Variants in ZNF469 observed in about 807,000 individuals in gnomAD.
The protein encoded by ZNF469 is zinc finger protein 469.
ZNF469 carries 1 observed loss-of-function variant against 1.0 expected under a neutral mutation model. That is an observed-to-expected ratio of 1.00 (90% CI 0.35 to 4.73). ZNF469 has a LOEUF of 4.73. ZNF469 is among the 30% of genes most tolerant of loss of function. The pLI is 0.16. For synonymous variants in ZNF469, 2,703 were observed against 2,363.4 expected, an observed-to-expected ratio of 1.14 and a Z score of -4.17; for missense variants, 6,100 against 5,356.3, an observed-to-expected ratio of 1.14 and a Z score of -4.33.
Position 88,429,357 on chromosome 16 carries a change from C to T in ZNF469, c.1887C>T (p.Leu629=), listed in dbSNP as rs762262311. 3.4e-5 allele frequency: 52 copies of T among 1,549,690 alleles called. No individual in the cohort carries two copies. The highest frequency in any genetic ancestry group is 3.5e-5 in the Non-Finnish European group (40 of 1,146,756). ...SSEESQLPGP[L]GPSAFFHPPT... ...AGGAAAGCCAGCTCCCCGGCCCCCT[C>T]GGGCCCTCGGCCTTCTTCCACCCAC... is the stretch of plus-strand genomic sequence containing the variant. Residue 629 remains leucine, a synonymous_variant, in exon 3 of 3, where the codon CTC becomes CTT. Transcript: ENST00000565624.
At chr16:88,287,820 G>A in the ZNF469 span, among the ~76,000 whole-genome samples, 1 of 152,164 alleles carries the variant, frequency 6.6e-6, no homozygotes, top group African/African-American at 2.4e-5. Flanking sequence ...CTTATGGCCA[G>A]CGCTGACTTC....
chr16:88,231,477 C>T, the ZNF469 span, among the ~76,000 whole-genome samples: 949 of 147,018 alleles, frequency 6.5e-3, no homozygotes, highest in African/African-American at 0.024. The surrounding 1 kb of genome is among the most constrained non-coding windows in gnomAD (Gnocchi z 4.5). Flanking sequence ...GCTCTGTCAG[C>T]TCTGGAGGTC....
At chr16:88,338,428 G>C in the ZNF469 span, among the ~76,000 whole-genome samples, 1 of 152,334 alleles carries the variant, frequency 6.6e-6, no homozygotes. Context: ...TGGTCGACTT[G>C]ATGAGGAGAG....
rs1439032775 is a variant in ZNF469 at position 88,429,886 on chromosome 16, G to C, written c.2416G>C (p.Glu806Gln). Residue 806 changes from glutamate (E) to glutamine (Q), a missense_variant, in exon 3 of 3, where the codon GAG becomes CAG. Transcript: ENST00000565624. ...TFLLAGDAQA[E>Q]GKDDPLRTGF... ...CCTGTTAGCTGGGGACGCCCAGGCC[G>C]AGGGCAAAGACGACCCCCTGAGGAC... The C allele has an allele frequency of 7.7e-6, 12 of 1,550,208 alleles. No homozygotes were observed. Among genetic ancestry groups the C allele is most frequent in the Non-Finnish European group, 1.0e-5 (12 of 1,146,900 alleles).
chr16:88,165,959 G>A, the ZNF469 span, among the ~76,000 whole-genome samples: 7 of 152,136 alleles, frequency 4.6e-5, no homozygotes, highest in East Asian at 7.8e-4. Flanking sequence ...CTTCCCTTTT[G>A]AGGCTGAGTG....
At chr16:88,122,642 C>T in the ZNF469 span, among the ~76,000 whole-genome samples, 55 of 151,986 alleles carry the variant, frequency 3.6e-4, 1 homozygote, top group East Asian at 7.7e-4. Flanking sequence ...CTGTGTGAGC[C>T]GGCAACCTCC....
chr16:88,117,289 G>C, the ZNF469 span, among the ~76,000 whole-genome samples: 1 of 152,134 alleles, frequency 6.6e-6, no homozygotes, highest in Non-Finnish European at 1.5e-5. Flanking sequence ...GTGAGGGCTG[G>C]GGATGCGTGA....
the ZNF469 span, among the ~76,000 whole-genome samples, chr16:88,123,676 G>A: frequency 6.6e-6 from 1 of 152,118 alleles, no homozygotes; most frequent in African/African-American, 2.4e-5. Flanking sequence ...TAGATGTAGG[G>A]ATGGGTTGCG....
At chr16:88,204,973 G>A in the ZNF469 span, among the ~76,000 whole-genome samples, 1,402 of 152,288 alleles carry the variant, frequency 9.2e-3, 28 homozygotes, top group African/African-American at 0.032. Context: ...GTGTGCGCCA[G>A]CTGCAGGATT....
At chr16:88,249,198 C>T in the ZNF469 span, among the ~76,000 whole-genome samples, 2 of 148,520 alleles carry the variant, frequency 1.3e-5, no homozygotes, top group African/African-American at 5.0e-5. Context: ...TAACAATATG[C>T]CGTCAATACC....
chr16:88,388,962 A>G (rs138513991), intron 1 of ZNF469, among the ~76,000 whole-genome samples: 1 of 152,368 alleles, frequency 6.6e-6, no homozygotes, highest in South Asian at 2.1e-4. Flanking sequence ...TGCCAGGGCC[A>G]TCCTCTGTGC....
At chr16:88,103,023 C>T in the ZNF469 span, among the ~76,000 whole-genome samples, 6 of 152,262 alleles carry the variant, frequency 3.9e-5, no homozygotes, top group East Asian at 1.9e-4. Context: ...TCGTGTTTTA[C>T]GTGGTGCCTG....
At chr16:88,376,736 G>A in the ZNF469 span, among the ~76,000 whole-genome samples, 1 of 152,232 alleles carries the variant, frequency 6.6e-6, no homozygotes, top group African/African-American at 2.4e-5. Context: ...GGAAACTGAG[G>A]CTCGCGGGGT....
At chr16:88,184,527 G>T in the ZNF469 span, among the ~76,000 whole-genome samples, 1 of 151,948 alleles carries the variant, frequency 6.6e-6, no homozygotes, top group African/African-American at 2.4e-5. Flanking sequence ...CTGAGAGGCA[G>T]TTTTGCCAGC....
At chr16:88,199,420 G>A in the ZNF469 span, among the ~76,000 whole-genome samples, 3 of 152,238 alleles carry the variant, frequency 2.0e-5, no homozygotes, top group Non-Finnish European at 1.5e-5. Context: ...CGGCCCACAT[G>A]TCCCTGGTCT....
chr16:88,224,041 G>A, the ZNF469 span, among the ~76,000 whole-genome samples: 42 of 152,200 alleles, frequency 2.8e-4, no homozygotes, highest in Non-Finnish European at 5.6e-4. Flanking sequence ...TGATAAGAGC[G>A]ATGTTGACTT....
Position 88,438,267 on chromosome 16 carries a change from A to G in ZNF469, c.10797A>G (p.Ala3599=). The G allele has an allele frequency of 6.5e-7, 1 of 1,548,240 alleles. No individual in the cohort carries two copies. Among genetic ancestry groups the G allele is most frequent in the Non-Finnish European group, 8.7e-7 (1 of 1,145,514 alleles). The change falls in exon 3 of 3, where the codon GCA becomes GCG. Residue 3599 remains alanine, a synonymous_variant. Transcript: ENST00000565624. The part of the protein sequence containing the change: ...PLLQQALPLG[A]SLPRPGARGQ... ...TCCAGCAAGCTCTCCCTCTGGGGGC[A>G]TCTCTGCCGCGGCCGGGAGCCAGAG... is the stretch of plus-strand genomic sequence containing the variant.
At chr16:88,198,267 C>G in the ZNF469 span, among the ~76,000 whole-genome samples, 3 of 152,292 alleles carry the variant, frequency 2.0e-5, no homozygotes, top group Admixed American at 2.0e-4. Context: ...TGGGGAGGGG[C>G]TTCTGTCTCA....
chr16:88,418,908 G>A (rs1439439218), intron 1 of ZNF469, among the ~76,000 whole-genome samples: 1 of 151,924 alleles, frequency 6.6e-6, no homozygotes, highest in Non-Finnish European at 1.5e-5. Flanking sequence ...CAGCGCTGCA[G>A]CCCCGTACGG....
Sources: gnomAD v4.1 joint callset for allele counts (sites outside exome capture counted in the v4.1 genomes callset) on GRCh38, gnomAD v4.1.1 for gene constraint, Gnocchi (gnomAD v3.1) non-coding constraint, MANE v1.5 for transcripts, NCBI Gene and HGNC (gene_info 2026-07-23, HGNC 2026-07-21) for gene names.